Variants in ATRX observed in about 807,000 individuals in gnomAD.
The protein encoded by ATRX is chromatin remodeler ATRX.
Under a neutral mutation model 172.6 loss-of-function variants are expected in ATRX, and 12 were observed. The ratio of observed to expected loss-of-function variants is 0.07; its 90% CI spans 0.04 to 0.11. ATRX has a LOEUF of 0.11. ATRX is among the 10% of genes least tolerant of loss of function. The probability of loss-of-function intolerance (pLI) is 1.00; values close to 1 mark genes in which losing one functional copy is unlikely to be tolerated. For missense variants in ATRX, 1,368 were observed against 1,767.4 expected (o/e 0.77, Z 4.05); for synonymous variants, 674 against 594.7 (o/e 1.13, Z -1.94).
intron 25 of ATRX, chrX:77,596,521 A>T (rs1557083985): frequency 9.0e-6 from 1 of 111,205 alleles, no homozygotes. Context: ...TATATAAAAT[A>T]TATCCATATA....
chrX:77,748,774 A>G (rs2075189907), intron 1 of ATRX, among the ~76,000 whole-genome samples: 1 of 109,129 alleles, frequency 9.2e-6, no homozygotes, highest in Admixed American at 9.9e-5. Flanking sequence ...TTTAGTAGAG[A>G]TGGGATTTCG....
intron 15 of ATRX, among the ~76,000 whole-genome samples, chrX:77,638,341 C>A (rs929674359): frequency 8.9e-6 from 1 of 112,557 alleles, no homozygotes; most frequent in Non-Finnish European, 1.9e-5. Flanking sequence ...AGCGCAGTGG[C>A]GCGCGCCTAT....
intron 1 of ATRX, among the ~76,000 whole-genome samples, chrX:77,771,369 G>A (rs1344629728): frequency 1.2e-4 from 12 of 99,895 alleles, no homozygotes; most frequent in African/African-American, 3.9e-4. Flanking sequence ...GCAAGACTCC[G>A]TCTCAAAAAA....
intron 30 of ATRX, among the ~76,000 whole-genome samples, chrX:77,539,310 C>T (rs1280070857): frequency 1.3e-4 from 14 of 110,686 alleles, no homozygotes; most frequent in African/African-American, 4.3e-4. Flanking sequence ...AGTATAAGCA[C>T]TCAATATATA....
At chrX:77,607,252 C>T (rs2066947024) in intron 22 of ATRX, among the ~76,000 whole-genome samples, 1 of 111,871 alleles carries the variant, frequency 8.9e-6, no homozygotes, top group South Asian at 3.7e-4. Flanking sequence ...ACTAAAGACT[C>T]CACCAAAAAA....
At chrX:77,529,888 T>C (rs782263025) in intron 30 of ATRX, among the ~76,000 whole-genome samples, 1 of 111,935 alleles carries the variant, frequency 8.9e-6, no homozygotes, top group African/African-American at 3.2e-5. Flanking sequence ...CAATATTAGA[T>C]CATTGAGACA....
At position 77,681,869 on chromosome X, in the gene ATRX, C is replaced by G. The variant is rs3761507; in HGVS notation, c.3387G>C (p.Leu1129=). ...TTCTTTCCCTCAATTCTATTCTTTT[C>G]AGTCTCTTATCAGAAGAGTTACAAC... ...EDGCNSSDKR[L]KRIELRERRN... Residue 1129 remains leucine (L), a synonymous_variant, in exon 9 of 35, where the codon CTG becomes CTC. Coordinates refer to ENST00000373344, the MANE Select transcript of ATRX (RefSeq NM_000489.6). 1 of 1,206,883 alleles carries G rather than the reference C, an allele frequency of 8.3e-7. No individual in the cohort carries two copies. The highest frequency in any genetic ancestry group is 1.1e-6 in the Non-Finnish European group (1 of 892,969).
intron 10 of ATRX, chrX:77,674,861 C>A (rs1462619003): frequency 9.0e-6 from 1 of 111,453 alleles, no homozygotes; most frequent in African/African-American, 3.2e-5. Context: ...ATGCCCTTAT[C>A]ACTCCATTCT....
At position 77,531,759 on chromosome X, in the gene ATRX, G is replaced by A. The variant is rs781865882; in HGVS notation, c.6700-8358C>T. ...CCTTCTCTCACCACTCCTATTCAAC[G>A]TAGTATTGGAAGTCCTGGCCAGGGC... On this transcript the variant is annotated intron_variant, in intron 30 of 34. Transcript: ENST00000373344. Among the ~76,000 whole-genome samples, 9 of 111,449 alleles carry A rather than the reference G, an allele frequency of 8.1e-5. No individual in the cohort carries two copies. The South Asian group carries it at 3.0e-3, about 37-fold the overall frequency.
chrX:77,702,034 C>A (rs1426017792), intron 2 of ATRX, among the ~76,000 whole-genome samples: 2 of 111,175 alleles, frequency 1.8e-5, no homozygotes, highest in Non-Finnish European at 3.8e-5. Flanking sequence ...CCACTGCACT[C>A]CACCCTGGTC....
In ATRX at chrX:77,722,369, A is replaced by T. The variant is rs187210176; in HGVS notation, c.21-5126T>A. On this transcript the variant is annotated intron_variant, in intron 1 of 34. Coordinates refer to ENST00000373344, the MANE Select transcript of ATRX (RefSeq NM_000489.6). The stretch of plus-strand genomic sequence containing the variant: ...AAGACCTTCTGCACAGCAAAAAAAA[A>T]ATATATATATATATCTCATCAGAGT... Among the ~76,000 whole-genome samples the T allele has an allele frequency of 4.4e-3, 477 of 108,588 alleles. 1 individual carries two copies. The highest frequency in any genetic ancestry group is 8.0e-3 in the African/African-American group (242 of 30,138). The allele number at this position is 108,588 out of a possible 115,157, so 94.3% of individuals were successfully genotyped here.
At chrX:77,621,159 A>T (rs1253368245) in intron 19 of ATRX, among the ~76,000 whole-genome samples, 2 of 111,463 alleles carry the variant, frequency 1.8e-5, no homozygotes, top group Non-Finnish European at 3.8e-5. Flanking sequence ...AACTCAGAAA[A>T]TATTTGGGAT....
At chrX:77,768,140 T>G (rs1274710981) in intron 1 of ATRX, among the ~76,000 whole-genome samples, 2 of 112,209 alleles carry the variant, frequency 1.8e-5, no homozygotes, top group Non-Finnish European at 3.8e-5. Context: ...TTTGATTCAA[T>G]TTCATGTTAC....
At position 77,770,582 on chromosome X, in the gene ATRX, A is replaced by G. The variant is rs1603338789; in HGVS notation, c.20+15400T>C. ...GCATACCCTTCATCTAATCATAAAG[A>G]AGCATCACACAAACCCAAATAGAGA... On this transcript the variant is annotated intron_variant, in intron 1 of 34. Coordinates refer to ENST00000373344, the MANE Select transcript of ATRX (RefSeq NM_000489.6). Among the ~76,000 whole-genome samples the G allele has an allele frequency of 2.7e-5, 3 of 112,020 alleles. No homozygotes were observed. The Middle Eastern group carries it at 0.014, about 512-fold the overall frequency.
intron 19 of ATRX, among the ~76,000 whole-genome samples, chrX:77,630,815 G>T (rs1220220459): frequency 9.0e-6 from 1 of 111,041 alleles, no homozygotes; most frequent in Non-Finnish European, 1.9e-5. Flanking sequence ...CATGACCTTC[G>T]ATTAAGCAAT....
chrX:77,633,641 A>G lies in ATRX; in HGVS notation c.4881T>C (p.Pro1627=). 8.3e-7 allele frequency: 1 copy of G among 1,210,433 alleles called. No individual in the cohort carries two copies. The highest frequency in any genetic ancestry group is 1.1e-6 in the Non-Finnish European group (1 of 894,306). ...LDFSTALVVC[P]LNTALNWMNE... ...TCATCCAATTCAAAGCAGTATTAAG[A>G]GGACAAACCACTAACGCCGTGCTGA... The change falls in exon 18 of 35, where the codon CCT becomes CCC. Residue 1627 remains proline, a synonymous_variant. Transcript: ENST00000373344.
At chrX:77,678,690 T>C (rs2071036591) in intron 9 of ATRX, among the ~76,000 whole-genome samples, 1 of 111,498 alleles carries the variant, frequency 9.0e-6, no homozygotes, top group Admixed American at 9.5e-5. Context: ...GGTTTCACCA[T>C]GTTGGCCAGG....
At chrX:77,724,160 C>T (rs1346186728) in intron 1 of ATRX, among the ~76,000 whole-genome samples, 2 of 109,972 alleles carry the variant, frequency 1.8e-5, no homozygotes, top group Non-Finnish European at 3.8e-5. Flanking sequence ...TGCCTGTAAT[C>T]CCAGCTACTT....
In ATRX at chrX:77,760,621, A is replaced by AAAAT. The variant is rs200802500; in HGVS notation, c.20+25357_20+25360dup. ...CCCTAAAACTTAAAGTATAATAATA[A>AAAAT]AAATAAATAAATAAACTGAAAAAAT... On this transcript the variant is annotated intron_variant, in intron 1 of 34. Transcript: ENST00000373344. 4.5e-5 allele frequency among the ~76,000 whole-genome samples: 5 copies of AAAAT among 110,425 alleles called. No individual in the cohort carries two copies. The South Asian group carries it at 1.9e-3, about 42-fold the overall frequency.
Sources: allele counts gnomAD v4.1 joint callset (sites outside exome capture counted in the v4.1 genomes callset), GRCh38; gene constraint gnomAD v4.1.1; transcripts MANE v1.5; gene names NCBI Gene and HGNC (gene_info 2026-07-23, HGNC 2026-07-21).